ATP10A: variants seen among roughly 807,000 people sequenced by gnomAD.
ATP10A encodes the protein phospholipid-transporting ATPase VA.
In ATP10A, 111 loss-of-function variants were observed where a neutral mutation model predicts 147.8. The ratio of observed to expected loss-of-function variants is 0.75; its 90% CI spans 0.64 to 0.88. The LOEUF is 0.88. Ranked by LOEUF, ATP10A falls within the 40% of genes least tolerant of loss-of-function variation. The pLI is 0.00. For missense variants in ATP10A, 1,927 were observed against 1,959.0 expected (o/e 0.98, Z 0.31); for synonymous variants, 875 against 841.6 (o/e 1.04, Z -0.69).
At chr15:25,844,108 G>A (rs1418767167) in intron 1 of ATP10A, among the ~76,000 whole-genome samples, 3 of 152,198 alleles carry the variant, frequency 2.0e-5, no homozygotes, top group South Asian at 2.1e-4. Context: ...AATGATACAA[G>A]GCCACAAAGC....
At chr15:25,815,148 C>A (rs1011732244) in intron 1 of ATP10A, among the ~76,000 whole-genome samples, 1 of 152,158 alleles carries the variant, frequency 6.6e-6, no homozygotes, top group Non-Finnish European at 1.5e-5. Flanking sequence ...TCAGAAGTTA[C>A]GCTCCATGAA....
intron 1 of ATP10A, among the ~76,000 whole-genome samples, chr15:25,843,990 G>A (rs1892917355): frequency 1.3e-5 from 2 of 152,084 alleles, no homozygotes. Context: ...CCAAAACTGA[G>A]ACAGCGCCCA....
Position 25,683,370 on chromosome 15 carries a change from G to A in ATP10A, c.3408C>T (p.Leu1136=), listed in dbSNP as rs755828037. 13 of 1,614,044 alleles carry A rather than the reference G, an allele frequency of 8.1e-6. No homozygotes were observed. Among genetic ancestry groups the A allele is most frequent in the Middle Eastern group, 1.6e-4 (1 of 6,084 alleles). ...CATCCCTGTCCAGCACCCCAGTCAC[G>A]AGCGGGGGAAGTGACGAGAAGAGCA... ...FNLLFSSLPP[L]VTGVLDRDVP... The change falls in exon 17 of 21, where the codon CTC becomes CTT. Residue 1136 remains leucine (L), a synonymous_variant. Transcript: ENST00000555815.
At chr15:25,735,008 G>GT (rs1464322839) in intron 3 of ATP10A, among the ~76,000 whole-genome samples, 2 of 41,316 alleles carry the variant, frequency 4.8e-5, no homozygotes, top group Non-Finnish European at 9.6e-5. Flanking sequence ...GGGAGCGGGG[G>GT]GGGGGTGGGG....
chr15:25,794,346 T>C (rs1442821714), intron 1 of ATP10A, among the ~76,000 whole-genome samples: 1 of 151,430 alleles, frequency 6.6e-6, no homozygotes, highest in African/African-American at 2.4e-5. Context: ...ACCTCTTTAA[T>C]AAATAAATAA....
intron 2 of ATP10A, among the ~76,000 whole-genome samples, chr15:25,744,062 C>T (rs1344489889): frequency 1.3e-5 from 2 of 152,052 alleles, no homozygotes; most frequent in African/African-American, 4.8e-5. Context: ...CTGATAAACA[C>T]CTATGCTTTC....
chr15:25,744,812 T>C (rs1475063173), intron 2 of ATP10A, among the ~76,000 whole-genome samples: 1 of 151,890 alleles, frequency 6.6e-6, no homozygotes. Context: ...CCATAAAGGA[T>C]AGAGGGAAGT....
At chr15:25,766,124 T>G (rs757909412) in intron 2 of ATP10A, among the ~76,000 whole-genome samples, 8 of 152,092 alleles carry the variant, frequency 5.3e-5, no homozygotes, top group Non-Finnish European at 8.8e-5. Flanking sequence ...GAAACAAAAG[T>G]GGAAACCCCT....
intron 1 of ATP10A, among the ~76,000 whole-genome samples, chr15:25,842,938 C>T (rs1447978522): frequency 6.6e-6 from 1 of 152,106 alleles, no homozygotes; most frequent in Non-Finnish European, 1.5e-5. Flanking sequence ...AAGCTGGTCT[C>T]AAACTTCTGG....
At chr15:25,847,837 T>G (rs1893095960) in intron 1 of ATP10A, among the ~76,000 whole-genome samples, 1 of 151,924 alleles carries the variant, frequency 6.6e-6, no homozygotes, top group Admixed American at 6.6e-5. Flanking sequence ...TTGCCATGTT[T>G]TCCAGGCTGG....
intron 1 of ATP10A, among the ~76,000 whole-genome samples, chr15:25,791,501 C>T (rs1483498228): frequency 6.6e-6 from 1 of 152,180 alleles, no homozygotes; most frequent in Non-Finnish European, 1.5e-5. Context: ...ATCTTCCCAC[C>T]TTGGCCTCTG....
Position 25,679,382 on chromosome 15 carries a change from G to A in ATP10A, c.4459C>T (p.His1487Tyr). Residue 1487 changes from histidine to tyrosine, a missense_variant, in exon 21 of 21, where the codon CAC becomes TAC. His to Tyr is a moderately conservative substitution (Grantham distance 83). Coordinates refer to ENST00000555815, the MANE Select transcript of ATP10A (RefSeq NM_024490.4). ...GAAGATGCTCCTATAAGTAGTCTGT[G>A]GTCTGGCCCTTGAAGTCCTGATCGG... ...SGRSGLQGPDHRLLIGASSRR... is the reference protein window; with the variant it reads ...SGRSGLQGPDYRLLIGASSRR... 1.2e-6 allele frequency: 2 copies of A among 1,604,382 alleles called. No individual in the cohort carries two copies. Among genetic ancestry groups the A allele is most frequent in the Middle Eastern group, 1.7e-4 (1 of 6,030 alleles).
chr15:25,683,701 A>G (rs1899554238), intron 16 of ATP10A: 1 of 460,340 alleles, frequency 2.2e-6, no homozygotes, highest in East Asian at 3.6e-5. Flanking sequence ...TCCCTTAAGA[A>G]AGAAGAACTG....
chr15:25,716,086 G>A (rs1386271261), intron 9 of ATP10A, among the ~76,000 whole-genome samples: 1 of 152,234 alleles, frequency 6.6e-6, no homozygotes, highest in Non-Finnish European at 1.5e-5. Flanking sequence ...AGTGTCCTAA[G>A]TAGCCTCTGA....
intron 2 of ATP10A, among the ~76,000 whole-genome samples, chr15:25,747,455 C>A (rs996366421): frequency 6.6e-6 from 1 of 151,478 alleles, no homozygotes; most frequent in African/African-American, 2.4e-5. Context: ...GAAGACTATA[C>A]TAAACACAAT....
chr15:25,735,811 G>A (rs529426740), intron 3 of ATP10A, among the ~76,000 whole-genome samples: 6 of 152,094 alleles, frequency 3.9e-5, no homozygotes, highest in Non-Finnish European at 8.8e-5. Context: ...GAGGAAAAGC[G>A]GTACCTCCTC....
chr15:25,687,702 CTG>C lies in ATP10A; in HGVS notation c.3290_3291del (p.Thr1097AsnfsTer22). ...ACTCTAGACAGGTATCCAATACCTA[CTG>C]TGTTTTTGTAGAAGAAGTACAGCAC... is the stretch of plus-strand genomic sequence containing the variant. ...NMVLYFFYKNTMFVGLLFWFQ... is the reference protein window; with the variant it reads ...NMVLYFFYKNXMFVGLLFWFQ... On this transcript the variant is annotated frameshift_variant and splice_region_variant, in exon 16 of 21. Transcript: ENST00000555815. LOFTEE classifies it high-confidence loss of function. 1 of 1,587,790 alleles carries C rather than the reference CTG, an allele frequency of 6.3e-7. No homozygotes were observed. Among genetic ancestry groups the C allele is most frequent in the Non-Finnish European group, 8.6e-7 (1 of 1,164,570 alleles).
chr15:25,812,976 T>C (rs1384904560), intron 1 of ATP10A, among the ~76,000 whole-genome samples: 3 of 152,252 alleles, frequency 2.0e-5, no homozygotes, highest in African/African-American at 7.2e-5. Flanking sequence ...GTGAGCTCTC[T>C]GTCCCAGTTC....
chr15:25,708,255 T>C lies in ATP10A; in HGVS notation c.2390A>G (p.Gln797Arg). The C allele has an allele frequency of 6.2e-7, 1 of 1,614,210 alleles. No homozygotes were observed. Among genetic ancestry groups the C allele is most frequent in the African/African-American group, 1.3e-5 (1 of 75,066 alleles). ...RHQKKIRSKT[Q>R]NYLNVYAAEG... ...CGCCGCATACACGTTGAGGTAATTC[T>C]GAGTTTTGCTCCGAATCTTTTTTTG... The change falls in exon 11 of 21, where the codon CAG (glutamine) becomes CGG (arginine). Residue 797 changes from glutamine (Q) to arginine (R), a missense_variant. Coordinates refer to ENST00000555815, the MANE Select transcript of ATP10A (RefSeq NM_024490.4).
Sources: allele counts gnomAD v4.1 joint callset (sites outside exome capture counted in the v4.1 genomes callset), GRCh38; gene constraint gnomAD v4.1.1; transcripts MANE v1.5; gene names NCBI Gene and HGNC (gene_info 2026-07-23, HGNC 2026-07-21).